Variants in C21orf91 observed in about 807,000 individuals in gnomAD.
C21orf91 encodes protein EURL homolog.
Under a neutral mutation model 32.9 loss-of-function variants are expected in C21orf91, and 26 were observed. That is an observed-to-expected ratio of 0.79 (90% CI 0.58 to 1.10). The LOEUF (loss-of-function observed/expected upper bound fraction) is 1.10, where lower values mean the gene tolerates loss of function less well. C21orf91 is among the 50% of genes least tolerant of loss of function. C21orf91 has a pLI of 0.00. For missense variants in C21orf91, 310 were observed against 341.3 expected (o/e 0.91, Z 0.72); for synonymous variants, 126 against 120.4 (o/e 1.05, Z -0.31).
At chr21:17,817,971 G>A in intron 2 of C21orf91, 1 of 356,234 alleles carries the variant, frequency 2.8e-6, no homozygotes. Flanking sequence ...GGAAAAATGG[G>A]GTTGTTGCAG....
intron 2 of C21orf91, among the ~76,000 whole-genome samples, chr21:17,801,163 A>T (rs908407147): frequency 2.0e-5 from 3 of 152,216 alleles, no homozygotes; most frequent in Admixed American, 2.0e-4. Context: ...ATGCCCATGA[A>T]AGATAGATTG....
chr21:17,802,307 C>T (rs565010266), intron 2 of C21orf91, among the ~76,000 whole-genome samples: 3 of 152,284 alleles, frequency 2.0e-5, no homozygotes, highest in Admixed American at 1.3e-4. Flanking sequence ...ACTATAGGCA[C>T]GCACCACCAC....
intron 2 of C21orf91, among the ~76,000 whole-genome samples, chr21:17,813,172 CT>C (rs2062643942): frequency 6.6e-6 from 1 of 152,190 alleles, no homozygotes; most frequent in Non-Finnish European, 1.5e-5. Context: ...TGAATTAGCT[CT>C]TTACAGCTTC....
At chr21:17,797,633 ATAAAC>A (rs1426518732) in intron 2 of C21orf91, among the ~76,000 whole-genome samples, 2 of 151,558 alleles carry the variant, frequency 1.3e-5, no homozygotes, top group Admixed American at 6.6e-5. Context: ...CAAAAATTCA[ATAAAC>A]TATTTAGATT....
intron 4 of C21orf91, among the ~76,000 whole-genome samples, chr21:17,794,465 A>T (rs2062502881): frequency 6.6e-6 from 1 of 152,214 alleles, no homozygotes; most frequent in Admixed American, 6.5e-5. Flanking sequence ...GACAAAAAAC[A>T]GTGTGTTAGC....
In C21orf91 at chr21:17,797,656, A is replaced by T. The variant is rs12626956; in HGVS notation, c.128-538T>A. ...CAATAAACTATTTAGATTTATTTTTAAAGAAAATCAAAGCATCTAACATTT... is the reference window on the plus strand; with the variant it reads ...CAATAAACTATTTAGATTTATTTTTTAAGAAAATCAAAGCATCTAACATTT... On this transcript the variant is annotated intron_variant, in intron 2 of 4. Coordinates refer to ENST00000284881, the MANE Select transcript of C21orf91 (RefSeq NM_001100420.2). Among the ~76,000 whole-genome samples, 373 of 151,536 alleles carry T rather than the reference A, an allele frequency of 2.5e-3. 9 individuals carry two copies. In the East Asian group the frequency reaches 0.068, roughly 28 times the overall value.
intron 3 of C21orf91, 143 bp downstream of exon 3, chr21:17,796,439 A>ATT: frequency 1.6e-6 from 1 of 643,282 alleles, no homozygotes; most frequent in Non-Finnish European, 2.7e-6. Context: ...AAGATGTCTC[A>ATT]TTTTTGCTAA....
At chr21:17,805,512 C>T (rs570628797) in intron 2 of C21orf91, among the ~76,000 whole-genome samples, 2 of 152,240 alleles carry the variant, frequency 1.3e-5, no homozygotes, top group Admixed American at 6.5e-5. Flanking sequence ...CAGGGTTTCA[C>T]CATGTTGGCC....
intron 2 of C21orf91, among the ~76,000 whole-genome samples, chr21:17,808,763 T>C (rs911202658): frequency 2.0e-5 from 3 of 152,168 alleles, no homozygotes; most frequent in African/African-American, 4.8e-5. Context: ...ATAAGGGTGA[T>C]TGTATTTTGC....
Position 17,818,269 on chromosome 21 carries a change from A to C in C21orf91, c.50T>G (p.Ile17Ser). ...FVNIDLNDDN[I>S]CSVCKLGTDK... ...TGTTCCCAGTTTACAAACACTGCAA[A>C]TGTTGTCATCATTCAAATCAATGTT... Residue 17 changes from isoleucine to serine, a missense_variant, in exon 2 of 5, where the codon ATT becomes AGT. Physicochemically the swap from Ile to Ser is moderately radical, Grantham distance 142. Transcript: ENST00000284881. 1 of 1,612,114 alleles carries C rather than the reference A, an allele frequency of 6.2e-7. No individual in the cohort carries two copies. Among genetic ancestry groups the C allele is most frequent in the Non-Finnish European group, 8.5e-7 (1 of 1,178,236 alleles).
chr21:17,798,047 G>C (rs1462776844), intron 2 of C21orf91, among the ~76,000 whole-genome samples: 2 of 152,068 alleles, frequency 1.3e-5, no homozygotes, highest in Non-Finnish European at 2.9e-5. Context: ...TTATGCTGAA[G>C]GTGAATTAGG....
intron 2 of C21orf91, among the ~76,000 whole-genome samples, chr21:17,804,314 T>C (rs113014017): frequency 2.6e-5 from 4 of 152,350 alleles, no homozygotes; most frequent in African/African-American, 7.2e-5. Context: ...GGATGAATAG[T>C]TGGAGTATCT....
At chr21:17,795,420 G>A (rs915223356) in intron 3 of C21orf91, 150 bp from the exon 4 acceptor site, 15 of 625,498 alleles carry the variant, frequency 2.4e-5, no homozygotes, top group East Asian at 5.5e-5. Context: ...ATTAACGCTC[G>A]TAAGTGTGGA....
rs1173976964 is a variant in C21orf91 at position 17,790,684 on chromosome 21, C to T, written c.*2731G>A. 6.6e-6 allele frequency: 1 copy of T among 151,974 alleles called. No homozygotes were observed. Among genetic ancestry groups the T allele is most frequent in the Non-Finnish European group, 1.5e-5 (1 of 67,904 alleles). 9.4% of individuals were successfully genotyped at this position (151,974 alleles called of 1,614,324 possible). A position where few individuals can be genotyped will look rare whatever the true frequency, so the allele number is the denominator to read the frequency against. On this transcript the variant is annotated 3_prime_UTR_variant, in exon 5 of 5. Coordinates refer to ENST00000284881, the MANE Select transcript of C21orf91 (RefSeq NM_001100420.2). ...TATTACTGGAGTCTCAAGTGCATGC[C>T]TTTTAAAAAAGACTAATTTAGATAT... is the stretch of plus-strand genomic sequence containing the variant.
At chr21:17,812,575 C>T (rs2062639383) in intron 2 of C21orf91, among the ~76,000 whole-genome samples, 6 of 152,220 alleles carry the variant, frequency 3.9e-5, no homozygotes, top group South Asian at 4.2e-4. Flanking sequence ...TTCGGGAGGC[C>T]GAGGTGGGTG....
At chr21:17,807,750 T>C (rs1041403174) in intron 2 of C21orf91, among the ~76,000 whole-genome samples, 9 of 152,100 alleles carry the variant, frequency 5.9e-5, no homozygotes, top group Non-Finnish European at 1.2e-4. Context: ...CTGGTGGCAT[T>C]ATACCCCGGT....
At position 17,790,535 on chromosome 21, in the gene C21orf91, A is replaced by G. The variant is rs1251356573; in HGVS notation, c.*2880T>C. 1 of 152,102 alleles carries G rather than the reference A, an allele frequency of 6.6e-6. No homozygotes were observed. Among genetic ancestry groups the G allele is most frequent in the Non-Finnish European group, 1.5e-5 (1 of 67,936 alleles). The allele number at this position is 152,102 out of a possible 1,614,324, so 9.4% of individuals were successfully genotyped here. On this transcript the variant is annotated 3_prime_UTR_variant, in exon 5 of 5. Coordinates refer to ENST00000284881, the MANE Select transcript of C21orf91 (RefSeq NM_001100420.2). ...CATTGAAAAAATAATCCTTAAATGTATATAAAAATGGGCACTTTGTGGTAA... is the reference window on the plus strand; with the variant it reads ...CATTGAAAAAATAATCCTTAAATGTGTATAAAAATGGGCACTTTGTGGTAA...
intron 3 of C21orf91, 105 bp from the exon 4 acceptor site, chr21:17,795,375 C>A: frequency 1.3e-6 from 1 of 762,696 alleles, no homozygotes; most frequent in Non-Finnish European, 2.3e-6. Context: ...ACTTAACTGC[C>A]AACACAACAT....
At chr21:17,801,302 G>A (rs571557870) in intron 2 of C21orf91, among the ~76,000 whole-genome samples, 9 of 148,906 alleles carry the variant, frequency 6.0e-5, no homozygotes, top group South Asian at 2.1e-4. Context: ...ACGGAGTCTC[G>A]CTCTGTCACC....
Sources: allele counts gnomAD v4.1 joint callset (sites outside exome capture counted in the v4.1 genomes callset), GRCh38; gene constraint gnomAD v4.1.1; transcripts MANE v1.5; gene names NCBI Gene and HGNC (gene_info 2026-07-23, HGNC 2026-07-21).